The following SLC10A6 variants were observed in gnomAD, a reference collection of about 807,000 sequenced individuals.
The protein encoded by SLC10A6 is sodium-dependent organic anion transporter.
In SLC10A6, 27 loss-of-function variants were observed where a neutral mutation model predicts 30.0. That is an observed-to-expected ratio of 0.90 (90% CI 0.66 to 1.24). The LOEUF is 1.24. SLC10A6 is among the 50% of genes most tolerant of loss of function. The pLI is 0.00. For missense variants in SLC10A6, 439 were observed against 457.0 expected (o/e 0.96, Z 0.36); for synonymous variants, 166 against 173.8 (o/e 0.95, Z 0.36).
intron 1 of SLC10A6, among the ~76,000 whole-genome samples, chr4:86,837,281 A>AAGAAAGAAAGAAAGAAAGAAAGAAAGAG (rs34533020): frequency 8.9e-5 from 8 of 90,386 alleles, no homozygotes; most frequent in South Asian, 3.3e-4. Flanking sequence ...GAAAGAAAGA[A>AAGAAAGAAAGAAAGAAAGAAAGAAAGAG]AGAAAAAGAA....
At chr4:86,832,069 T>C (rs368684366) in intron 2 of SLC10A6, among the ~76,000 whole-genome samples, 189 bp from the exon 3 acceptor site, 1 of 152,210 alleles carries the variant, frequency 6.6e-6, no homozygotes, top group Non-Finnish European at 1.5e-5. Flanking sequence ...ATTTTGCGTC[T>C]TGTGAGTGCC....
intron 1 of SLC10A6, among the ~76,000 whole-genome samples, chr4:86,840,937 C>A (rs1307119689): frequency 6.6e-6 from 1 of 152,188 alleles, no homozygotes; most frequent in Non-Finnish European, 1.5e-5. Context: ...GCAAAGATTT[C>A]TTCCTGACTA....
chr4:86,842,830 CTT>C lies in SLC10A6; in HGVS notation c.377+5907_377+5908del, dbSNP rs1363697784. Among the ~76,000 whole-genome samples the C allele has an allele frequency of 6.2e-5, 3 of 48,348 alleles. No individual in the cohort carries two copies. The African/African-American group carries it at 6.6e-4, about 11-fold the overall frequency. The allele number at this position is 48,348 out of a possible 152,430, so 31.7% of individuals were successfully genotyped here. ...TCTTTCTTTCTTTCTTTCTTTCTTTCTTTCTTTCTTTCTTTCTTTCTTTCTTT... is the reference window on the plus strand; with the variant it reads ...TCTTTCTTTCTTTCTTTCTTTCTTTCTCTTTCTTTCTTTCTTTCTTTCTTT... On this transcript the variant is annotated intron_variant, in intron 1 of 5. Transcript: ENST00000273905.
At chr4:86,834,082 G>A (rs1193145791) in intron 1 of SLC10A6, among the ~76,000 whole-genome samples, 2 of 152,162 alleles carry the variant, frequency 1.3e-5, no homozygotes, top group Non-Finnish European at 2.9e-5. Flanking sequence ...TCCCAACGTT[G>A]GAGGCGGGGG....
intron 3 of SLC10A6, among the ~76,000 whole-genome samples, chr4:86,829,184 G>A (rs1746041460): frequency 6.6e-6 from 1 of 152,142 alleles, no homozygotes; most frequent in African/African-American, 2.4e-5. Flanking sequence ...GCAGAGGTGG[G>A]CGGATCACCT....
At position 86,827,997 on chromosome 4, in the gene SLC10A6, G is replaced by T. The variant is rs1432073504; in HGVS notation, c.757C>A (p.Gln253Lys). 3 of 1,613,176 alleles carry T rather than the reference G, an allele frequency of 1.9e-6. No homozygotes were observed. The highest frequency in any genetic ancestry group is 2.7e-5 in the African/African-American group (2 of 74,822). Residue 253 changes from glutamine to lysine, a missense_variant, in exon 4 of 6, where the codon CAA (glutamine) becomes AAA (lysine). Transcript: ENST00000273905. The part of the protein sequence containing the change: ...LLALFTHQSW[Q>K]RCRTISLETG... ...TTATGGATAGTTTAACTATACCTTT[G>T]CCAAGACTGGTGGGTAAAAAGTGCC... is the stretch of plus-strand genomic sequence containing the variant.
At position 86,823,862 on chromosome 4, in the gene SLC10A6, T is replaced by C. The variant is rs750130200; in HGVS notation, c.960A>G (p.Gly320=). The change falls in exon 6 of 6, where the codon GGA becomes GGG. Residue 320 remains glycine (G), a synonymous_variant. Coordinates refer to ENST00000273905, the MANE Select transcript of SLC10A6 (RefSeq NM_197965.3). ...CTTCTGTGCAACCTGAGTTCTTTTT[T>C]CCATGTTTGTTCTTCAATCTCCTCT... ...TYKRRLKNKH[G]KKNSGCTEVC... 2.5e-6 allele frequency: 4 copies of C among 1,613,716 alleles called. No individual in the cohort carries two copies. The South Asian group carries it at 4.4e-5, about 18-fold the overall frequency.
At chr4:86,840,058 C>T (rs983708913) in intron 1 of SLC10A6, among the ~76,000 whole-genome samples, 3 of 151,694 alleles carry the variant, frequency 2.0e-5, no homozygotes, top group Non-Finnish European at 4.4e-5. Context: ...TACAGGTACC[C>T]GCCACCACAC....
intron 4 of SLC10A6, among the ~76,000 whole-genome samples, chr4:86,826,196 C>G (rs1470900594): frequency 6.6e-6 from 1 of 152,140 alleles, no homozygotes; most frequent in Non-Finnish European, 1.5e-5. Context: ...CCCTGGGCAA[C>G]AGAGTAAGAC....
Position 86,842,706 on chromosome 4 carries a change from AAAAAAG to A in SLC10A6, c.377+6027_377+6032del, listed in dbSNP as rs936025823. On this transcript the variant is annotated intron_variant, in intron 1 of 5. Transcript: ENST00000273905. ...GTCTAAGACCCTGTCTCAAAAAAAAAAAAAAGAAAAGAAAAGAAAAGAAAAGAAAAG... is the reference window on the plus strand; with the variant it reads ...GTCTAAGACCCTGTCTCAAAAAAAAAAAAAGAAAAGAAAAGAAAAGAAAAG... Among the ~76,000 whole-genome samples the A allele has an allele frequency of 8.7e-5, 12 of 137,946 alleles. 1 individual carries two copies. Among genetic ancestry groups the A allele is most frequent in the African/African-American group, 3.3e-4 (10 of 30,164 alleles). 90.5% of individuals were successfully genotyped at this position (137,946 alleles called of 152,430 possible).
chr4:86,841,740 A>C (rs1746293696), intron 1 of SLC10A6, among the ~76,000 whole-genome samples: 1 of 152,244 alleles, frequency 6.6e-6, no homozygotes, highest in Admixed American at 6.5e-5. Flanking sequence ...TTTAATTTCA[A>C]AAATCCCATA....
At chr4:86,844,617 G>A (rs548285114) in intron 1 of SLC10A6, among the ~76,000 whole-genome samples, 1 of 152,292 alleles carries the variant, frequency 6.6e-6, no homozygotes, top group South Asian at 2.1e-4. Flanking sequence ...CCCTGCTGCT[G>A]CCATGTAATC....
chr4:86,825,549 C>T lies in SLC10A6; in HGVS notation c.790G>A (p.Ala264Thr), dbSNP rs1330383944. The T allele has an allele frequency of 1.2e-6, 2 of 1,604,230 alleles. No individual in the cohort carries two copies. Among genetic ancestry groups the T allele is most frequent in the African/African-American group, 2.7e-5 (2 of 74,796 alleles). ...RCRTISLETG[A>T]QNIQMCITML... ...GTGATGCACATCTGAATATTCTGAG[C>T]TCCAGTTTCTAAGGAAATTGTCCTG... Residue 264 changes from alanine (A) to threonine (T), a missense_variant, in exon 5 of 6, where the codon GCT (alanine) becomes ACT (threonine). Physicochemically the swap from Ala to Thr is moderately conservative, Grantham distance 58 (BLOSUM62 0). Coordinates refer to ENST00000273905, the MANE Select transcript of SLC10A6 (RefSeq NM_197965.3).
At chr4:86,824,898 T>C (rs1745953716) in intron 5 of SLC10A6, among the ~76,000 whole-genome samples, 2 of 152,236 alleles carry the variant, frequency 1.3e-5, no homozygotes, top group African/African-American at 2.4e-5. Flanking sequence ...CAAAGTAATG[T>C]ATATTTGGCT....
chr4:86,823,538 A>T lies in SLC10A6; in HGVS notation c.*150T>A. The T allele has an allele frequency of 1.5e-6, 1 of 645,694 alleles. No homozygotes were observed. Among genetic ancestry groups the T allele is most frequent in the Non-Finnish European group, 2.5e-6 (1 of 400,552 alleles). The allele number at this position is 645,694 out of a possible 1,614,324, so 40.0% of individuals were successfully genotyped here. A position where few individuals can be genotyped will look rare whatever the true frequency, so the allele number is the denominator to read the frequency against. On this transcript the variant is annotated 3_prime_UTR_variant, in exon 6 of 6. Transcript: ENST00000273905. Reference sequence around the variant, plus strand: ...GAATCTCCAAAAGTGATCCCATCACAATTCACAATCCACATGAAAATATAA... The same window carrying T: ...GAATCTCCAAAAGTGATCCCATCACTATTCACAATCCACATGAAAATATAA...
intron 1 of SLC10A6, among the ~76,000 whole-genome samples, chr4:86,841,267 AT>A: frequency 6.6e-6 from 1 of 152,346 alleles, no homozygotes; most frequent in East Asian, 1.9e-4. Context: ...GATTGCTTCC[AT>A]GTTTATACAA....
At position 86,833,280 on chromosome 4, in the gene SLC10A6, C is replaced by A. The variant is rs1474332489; in HGVS notation, c.496+26G>T. 3 of 1,509,230 alleles carry A rather than the reference C, an allele frequency of 2.0e-6. No homozygotes were observed. The Admixed American group carries it at 5.1e-5, about 26-fold the overall frequency. The allele number at this position is 1,509,230 out of a possible 1,614,324, so 93.5% of individuals were successfully genotyped here. A position where few individuals can be genotyped will look rare whatever the true frequency, so the allele number is the denominator to read the frequency against. ...TAGTATCATCACCATTACTGTTAGTCCTCCATTTCCCAGGCCCATACAGAC... is the reference window on the plus strand; with the variant it reads ...TAGTATCATCACCATTACTGTTAGTACTCCATTTCCCAGGCCCATACAGAC... On this transcript the variant is annotated intron_variant, in intron 2 of 5. Coordinates refer to ENST00000273905, the MANE Select transcript of SLC10A6 (RefSeq NM_197965.3).
chr4:86,833,401 G>A lies in SLC10A6; in HGVS notation c.401C>T (p.Thr134Ile), dbSNP rs1320795407. The change falls in exon 2 of 6, where the codon ACC (threonine) becomes ATC (isoleucine). Residue 134 changes from threonine (T) to isoleucine (I), a missense_variant. Physicochemically the swap from Thr to Ile is moderately conservative, Grantham distance 89. Transcript: ENST00000273905. The part of the protein sequence containing the change: ...DLSISMTTCS[T>I]VAALGMMPLC... The stretch of plus-strand genomic sequence containing the variant: ...TGGCATCATTCCCAGGGCGGCCACG[G>A]TGGAACAGGTTGTCATACTGATGCT... 3 of 1,613,840 alleles carry A rather than the reference G, an allele frequency of 1.9e-6. No homozygotes were observed. Among genetic ancestry groups the A allele is most frequent in the East Asian group, 2.2e-5 (1 of 44,880 alleles).
Position 86,839,188 on chromosome 4 carries a change from C to A in SLC10A6, c.378-5764G>T, listed in dbSNP as rs371175778. Reference sequence around the variant, plus strand: ...CAGTGCCTCATGCCTGTAATTCCAGCAATTTGGGAGGCTGAATTGGGAGGA... The same window carrying A: ...CAGTGCCTCATGCCTGTAATTCCAGAAATTTGGGAGGCTGAATTGGGAGGA... On this transcript the variant is annotated intron_variant, in intron 1 of 5. Transcript: ENST00000273905. 3.0e-4 allele frequency among the ~76,000 whole-genome samples: 43 copies of A among 145,380 alleles called. 1 individual carries two copies. Among genetic ancestry groups the A allele is most frequent in the African/African-American group, 1.1e-3 (42 of 39,068 alleles).
Sources: gnomAD v4.1 joint callset for allele counts (sites outside exome capture counted in the v4.1 genomes callset) on GRCh38, gnomAD v4.1.1 for gene constraint, MANE v1.5 for transcripts, NCBI Gene and HGNC (gene_info 2026-07-23, HGNC 2026-07-21) for gene names.